ZNF366: variants seen among roughly 807,000 people sequenced by gnomAD.
The protein encoded by ZNF366 is dendritic cell-specific transcript protein.
ZNF366 carries 20 observed loss-of-function variants against 47.2 expected under a neutral mutation model. The ratio of observed to expected loss-of-function variants is 0.42; its 90% CI spans 0.30 to 0.62. ZNF366 has a LOEUF of 0.62. Among genes scored for constraint, ZNF366 ranks in the 20% least tolerant of loss-of-function variants. The pLI, the probability that ZNF366 is intolerant of heterozygous loss-of-function variation, is 0.16. For synonymous variants in ZNF366, 421 were observed against 395.1 expected (o/e 1.07, Z -0.78); for missense variants, 987 against 976.3 (o/e 1.01, Z -0.15).
intron 1 of ZNF366, among the ~76,000 whole-genome samples, chr5:72,506,488 G>A (rs1026804597): frequency 4.6e-5 from 7 of 152,142 alleles, no homozygotes; most frequent in South Asian, 2.1e-4. Flanking sequence ...TTTCAATTGC[G>A]TCTGTAACTT....
intron 1 of ZNF366, among the ~76,000 whole-genome samples, chr5:72,488,152 G>A (rs1743929066): frequency 6.6e-6 from 1 of 151,808 alleles, no homozygotes; most frequent in South Asian, 2.1e-4. Context: ...AGGTTGAAGT[G>A]AGCCAAGATT....
intron 1 of ZNF366, among the ~76,000 whole-genome samples, chr5:72,487,885 T>TAGA (rs2112349117): frequency 6.6e-6 from 1 of 152,156 alleles, no homozygotes; most frequent in African/African-American, 2.4e-5. Context: ...TCTCCCCCAT[T>TAGA]AGAAATAGGA....
At chr5:72,459,389 G>A (rs938289432) in intron 2 of ZNF366, among the ~76,000 whole-genome samples, 1 of 152,096 alleles carries the variant, frequency 6.6e-6, no homozygotes, top group Admixed American at 6.5e-5. Context: ...ACTTTAGCTG[G>A]GGTAAGATTT....
At position 72,460,596 on chromosome 5, in the gene ZNF366, G is replaced by A. The variant is rs1227209705; in HGVS notation, c.901C>T (p.Leu301=). 1.2e-6 allele frequency: 2 copies of A among 1,614,038 alleles called. No homozygotes were observed. The highest frequency in any genetic ancestry group is 1.3e-5 in the African/African-American group (1 of 74,952). The part of the protein sequence containing the change: ...KQLSHLHTHM[L]THQGTRPHKC... Reference sequence around the variant, plus strand: ...TGGGGCCGCGTGCCCTGGTGGGTCAGCATGTGGGTATGCAGGTGGCTGAGC... The same window carrying A: ...TGGGGCCGCGTGCCCTGGTGGGTCAACATGTGGGTATGCAGGTGGCTGAGC... Residue 301 remains leucine (L), a synonymous_variant, in exon 2 of 5, where the codon CTG becomes TTG. Coordinates refer to ENST00000318442, the MANE Select transcript of ZNF366 (RefSeq NM_152625.3).
At position 72,460,285 on chromosome 5, in the gene ZNF366, G is replaced by A; in HGVS notation, c.1212C>T (p.Tyr404=). 1 of 1,614,212 alleles carries A rather than the reference G, an allele frequency of 6.2e-7. No homozygotes were observed. Among genetic ancestry groups the A allele is most frequent in the Non-Finnish European group, 8.5e-7 (1 of 1,180,014 alleles). Residue 404 remains tyrosine (Y), a synonymous_variant, in exon 2 of 5, where the codon TAC becomes TAT. Coordinates refer to ENST00000318442, the MANE Select transcript of ZNF366 (RefSeq NM_152625.3). ...NCSECDKTFQ[Y]PSQLQNHMMK... ...TCATGTGGTTCTGCAGCTGGCTCGG[G>A]TACTGGAAGGTCTTGTCGCACTCGG...
At chr5:72,458,716 T>G (rs981304084) in intron 2 of ZNF366, among the ~76,000 whole-genome samples, 4 of 152,218 alleles carry the variant, frequency 2.6e-5, no homozygotes, top group Non-Finnish European at 5.9e-5. Context: ...CTTAGAGTTG[T>G]TGAGAAGTAA....
At chr5:72,472,831 C>A (rs1281568522) in intron 1 of ZNF366, among the ~76,000 whole-genome samples, 1 of 152,246 alleles carries the variant, frequency 6.6e-6, no homozygotes, top group Admixed American at 6.5e-5. Flanking sequence ...AAGCTGCTTT[C>A]AGGGTAAATG....
intron 3 of ZNF366, among the ~76,000 whole-genome samples, chr5:72,454,354 A>T (rs1743138066): frequency 6.6e-6 from 1 of 152,214 alleles, no homozygotes; most frequent in African/African-American, 2.4e-5. Flanking sequence ...CTAATACTAG[A>T]GAGAACCCTC....
intron 2 of ZNF366, among the ~76,000 whole-genome samples, 182 bp downstream of exon 2, chr5:72,459,983 T>G (rs1010502698): frequency 2.0e-5 from 3 of 152,180 alleles, no homozygotes; most frequent in Non-Finnish European, 4.4e-5. Flanking sequence ...CGAGAATCGT[T>G]CTCTCTTATT....
chr5:72,469,178 G>A (rs530882614), intron 1 of ZNF366, among the ~76,000 whole-genome samples: 2 of 152,232 alleles, frequency 1.3e-5, no homozygotes, highest in South Asian at 4.1e-4. Flanking sequence ...TAATTGATGA[G>A]GTTAGCCATC....
intron 1 of ZNF366, chr5:72,472,701 G>C (rs566014197): frequency 2.0e-6 from 1 of 490,250 alleles, no homozygotes; most frequent in East Asian, 1.5e-4. Flanking sequence ...AGCCCTCCGA[G>C]TTTCTCCCTG....
At chr5:72,475,191 G>A (rs1016872483) in intron 1 of ZNF366, among the ~76,000 whole-genome samples, 1 of 152,142 alleles carries the variant, frequency 6.6e-6, no homozygotes, top group Non-Finnish European at 1.5e-5. Context: ...CCTGAAGCCC[G>A]CAGCCTGAAG....
intron 1 of ZNF366, among the ~76,000 whole-genome samples, chr5:72,469,469 C>T (rs1029653591): frequency 6.6e-6 from 1 of 151,944 alleles, no homozygotes; most frequent in Non-Finnish European, 1.5e-5. Flanking sequence ...AGACCCCACC[C>T]AATAATCAAT....
chr5:72,491,327 C>T (rs772847939), intron 1 of ZNF366, among the ~76,000 whole-genome samples: 1 of 152,222 alleles, frequency 6.6e-6, no homozygotes, highest in African/African-American at 2.4e-5. Context: ...TTTTAGGTTG[C>T]ATGTGATTAT....
chr5:72,479,982 A>G (rs1381627005), intron 1 of ZNF366, among the ~76,000 whole-genome samples: 2 of 152,270 alleles, frequency 1.3e-5, no homozygotes, highest in African/African-American at 2.4e-5. Context: ...GAGGAGATGC[A>G]AGCAGGCTCA....
chr5:72,470,198 G>A (rs1001988507), intron 1 of ZNF366, among the ~76,000 whole-genome samples: 2 of 152,200 alleles, frequency 1.3e-5, no homozygotes, highest in Non-Finnish European at 2.9e-5. Context: ...GATGAACTGA[G>A]TTCTCTGACA....
chr5:72,488,118 G>T (rs976533841), intron 1 of ZNF366, among the ~76,000 whole-genome samples: 1 of 151,856 alleles, frequency 6.6e-6, no homozygotes, highest in Non-Finnish European at 1.5e-5. Flanking sequence ...TGAGGGGAGA[G>T]AATCGCCTGA....
At chr5:72,453,726 A>G (rs1743124683) in intron 3 of ZNF366, among the ~76,000 whole-genome samples, 1 of 152,254 alleles carries the variant, frequency 6.6e-6, no homozygotes. Flanking sequence ...CAGCAGGGTG[A>G]CACTGATGGG....
chr5:72,502,667 C>A (rs1197657829), intron 1 of ZNF366, among the ~76,000 whole-genome samples: 1 of 152,100 alleles, frequency 6.6e-6, no homozygotes, highest in Non-Finnish European at 1.5e-5. Flanking sequence ...AAAATAGGCT[C>A]ATCACAGCAC....
Sources: allele counts gnomAD v4.1 joint callset (sites outside exome capture counted in the v4.1 genomes callset), GRCh38; gene constraint gnomAD v4.1.1; transcripts MANE v1.5; gene names NCBI Gene and HGNC (gene_info 2026-07-23, HGNC 2026-07-21).